The following PIK3R5 variants were observed in gnomAD, a reference collection of about 807,000 sequenced individuals.
The protein encoded by PIK3R5 is phosphoinositide 3-kinase regulatory subunit 5.
PIK3R5 carries 32 observed loss-of-function variants against 94.9 expected under a neutral mutation model. The observed-to-expected ratio is 0.34, with a 90% CI of 0.25 to 0.45. The LOEUF is 0.45. Among genes scored for constraint, PIK3R5 ranks in the 20% least tolerant of loss-of-function variants. The probability of loss-of-function intolerance (pLI) is 1.00; values close to 1 mark genes in which losing one functional copy is unlikely to be tolerated. For missense variants in PIK3R5, 853 were observed against 1,144.6 expected, an observed-to-expected ratio of 0.75 and a Z score of 3.68; for synonymous variants, 443 against 479.4, an observed-to-expected ratio of 0.92 and a Z score of 0.99.
chr17:8,886,919 T>C (rs944524946), intron 12 of PIK3R5, among the ~76,000 whole-genome samples, 177 bp downstream of exon 12: 6 of 152,152 alleles, frequency 3.9e-5, no homozygotes, highest in Non-Finnish European at 8.8e-5. Context: ...GCTCTCACAC[T>C]CAGTGTCCTG....
chr17:8,962,534 T>C (rs773875053), intron 1 of PIK3R5, among the ~76,000 whole-genome samples: 1 of 152,228 alleles, frequency 6.6e-6, no homozygotes, highest in Non-Finnish European at 1.5e-5. Flanking sequence ...GAGAACAACA[T>C]AATTCTGTGT....
intron 1 of PIK3R5, among the ~76,000 whole-genome samples, chr17:8,923,844 A>G (rs1338675321): frequency 6.6e-6 from 1 of 151,416 alleles, no homozygotes; most frequent in Non-Finnish European, 1.5e-5. Context: ...GTGGAAAAAG[A>G]TTGCAGTTGT....
chr17:8,926,019 C>A (rs2090877035), intron 1 of PIK3R5, among the ~76,000 whole-genome samples: 1 of 152,144 alleles, frequency 6.6e-6, no homozygotes. Flanking sequence ...GAGGAGAACA[C>A]CTCCAGTGTT....
Position 8,892,849 on chromosome 17 carries a change from C to T in PIK3R5, c.482+737G>A, listed in dbSNP as rs570738710. Among the ~76,000 whole-genome samples the T allele has an allele frequency of 6.6e-6, 1 of 152,264 alleles. No homozygotes were observed. Among genetic ancestry groups the T allele is most frequent in the East Asian group, 1.9e-4 (1 of 5,182 alleles). On this transcript the variant is annotated intron_variant, in intron 6 of 18. Coordinates refer to ENST00000447110, the MANE Select transcript of PIK3R5 (RefSeq NM_001142633.3). The surrounding 1 kb of genome is among the most constrained non-coding windows in gnomAD (Gnocchi z 4.3). ...CGGGGTCCCTGGGCTCCCAACATGT[C>T]AAGGTGAGACAGCACCCAACTCTTC...
rs370053064 is a variant in PIK3R5 at position 8,886,217 on chromosome 17, G to A, written c.2128+12C>T. ...CCGCCTCACCGTCTGTCTCTGCTCA[G>A]GCAGTACCCACCTGACGCCTTGATG... On this transcript the variant is annotated intron_variant, in intron 14 of 18. Transcript: ENST00000447110. 2.5e-6 allele frequency: 4 copies of A among 1,603,418 alleles called. No individual in the cohort carries two copies. Among genetic ancestry groups the A allele is most frequent in the African/African-American group, 1.3e-5 (1 of 74,918 alleles).
At chr17:8,910,060 C>G (rs561611976) in intron 2 of PIK3R5, among the ~76,000 whole-genome samples, 1 of 152,350 alleles carries the variant, frequency 6.6e-6, no homozygotes, top group East Asian at 1.9e-4. Context: ...CTTATTTTGT[C>G]AGTCTCTGTT....
chr17:8,886,617 G>T lies in PIK3R5; in HGVS notation c.1906-12C>A. The stretch of plus-strand genomic sequence containing the variant: ...GCCTTCAGGGACTGCTGTGGCCAGA[G>T]GGAAGGGGCAGCCAAGCCAGATGGG... On this transcript the variant is annotated splice_polypyrimidine_tract_variant and intron_variant, in intron 12 of 18. Transcript: ENST00000447110. The T allele has an allele frequency of 6.4e-7, 1 of 1,568,624 alleles. No individual in the cohort carries two copies. The highest frequency in any genetic ancestry group is 1.2e-5 in the South Asian group (1 of 83,568).
intron 5 of PIK3R5, among the ~76,000 whole-genome samples, chr17:8,895,563 A>T (rs1173050093): frequency 6.6e-5 from 10 of 152,074 alleles, no homozygotes; most frequent in Non-Finnish European, 1.0e-4. Context: ...ACGCTGCTTG[A>T]ACTTTTGTTT....
chr17:8,887,652 G>A lies in PIK3R5; in HGVS notation c.1648C>T (p.Arg550Trp), dbSNP rs764029501. 8 of 1,605,694 alleles carry A rather than the reference G, an allele frequency of 5.0e-6. No homozygotes were observed. Among genetic ancestry groups the A allele is most frequent in the Admixed American group, 1.7e-5 (1 of 59,034 alleles). ...RLENNRPLLT[R>W]FFKLQFFYVP... Reference sequence around the variant, plus strand: ...TAGAAGAACTGAAGTTTGAAGAACCGTGTGAGGAGTGGGCGATTGTTCTCC... The same window carrying A: ...TAGAAGAACTGAAGTTTGAAGAACCATGTGAGGAGTGGGCGATTGTTCTCC... The change falls in exon 11 of 19, where the codon CGG becomes TGG. Residue 550 changes from arginine (R) to tryptophan (W), a missense_variant. By Grantham distance (101) the Arg-to-Trp change is moderately radical (BLOSUM62 -3). Around this residue, in one of 6 missense-constraint regions of PIK3R5, gnomAD observed 319 missense variants for 339.8 expected, o/e 0.94. Coordinates refer to ENST00000447110, the MANE Select transcript of PIK3R5 (RefSeq NM_001142633.3).
At chr17:8,944,880 T>C (rs1389638848) in intron 1 of PIK3R5, among the ~76,000 whole-genome samples, 1 of 152,128 alleles carries the variant, frequency 6.6e-6, no homozygotes, top group Non-Finnish European at 1.5e-5. Context: ...CTGAGACATG[T>C]GACTGGGGAA....
rs1262660956 is a variant in PIK3R5, at chr17:8,892,604, G to A, written c.482+982C>T. ...AAAGGGCTTTGATGATTCTTCATCA[G>A]CCCACCTGCCCCAGCTCCCCCAGAG... On this transcript the variant is annotated intron_variant, in intron 6 of 18. Coordinates refer to ENST00000447110, the MANE Select transcript of PIK3R5 (RefSeq NM_001142633.3). The surrounding 1 kb of genome is among the most constrained non-coding windows in gnomAD (Gnocchi z 4.3). Among the ~76,000 whole-genome samples, 1 of 152,166 alleles carries A rather than the reference G, an allele frequency of 6.6e-6. No homozygotes were observed. Among genetic ancestry groups the A allele is most frequent in the Admixed American group, 6.5e-5 (1 of 15,276 alleles).
intron 2 of PIK3R5, among the ~76,000 whole-genome samples, chr17:8,910,272 T>C (rs1597395714): frequency 6.6e-6 from 1 of 152,350 alleles, no homozygotes; most frequent in East Asian, 1.9e-4. Context: ...TAGAGGCTTC[T>C]AACAATGTGT....
intron 1 of PIK3R5, among the ~76,000 whole-genome samples, chr17:8,941,918 A>C (rs1243891447): frequency 2.0e-5 from 3 of 152,220 alleles, no homozygotes; most frequent in African/African-American, 7.2e-5. Context: ...TACTCAGAAG[A>C]CCCTTCGGGA....
chr17:8,926,880 C>T (rs2090893411), intron 1 of PIK3R5, among the ~76,000 whole-genome samples: 1 of 151,612 alleles, frequency 6.6e-6, no homozygotes. Context: ...ATATTTTATG[C>T]CTTGTTTTTT....
At chr17:8,907,094 G>T (rs2090412544) in intron 3 of PIK3R5, among the ~76,000 whole-genome samples, 1 of 152,126 alleles carries the variant, frequency 6.6e-6, no homozygotes. Context: ...TGCAATATCG[G>T]CTCACTGCAA....
At chr17:8,918,316 A>G (rs1567654644) in intron 1 of PIK3R5, among the ~76,000 whole-genome samples, 2 of 152,378 alleles carry the variant, frequency 1.3e-5, no homozygotes, top group East Asian at 3.9e-4. Context: ...CACATCTTGT[A>G]GTGCCAGAAA....
chr17:8,959,121 C>T (rs2151482614), intron 1 of PIK3R5, among the ~76,000 whole-genome samples: 1 of 152,264 alleles, frequency 6.6e-6, no homozygotes, highest in Middle Eastern at 3.4e-3. Context: ...AGAAATCCAA[C>T]AACAGAGCAG....
At position 8,890,822 on chromosome 17, in the gene PIK3R5, A is replaced by C; in HGVS notation, c.573T>G (p.Ser191Arg). Reference sequence around the variant, plus strand: ...CGTGCAGGAGCAGGGTGGTGTAGGCACTGTGAGGCGAGTGTCCGGGCGTAC... The same window carrying C: ...CGTGCAGGAGCAGGGTGGTGTAGGCCCTGTGAGGCGAGTGTCCGGGCGTAC... ...KLSTPGHSPH[S>R]AYTTLLLHAF... Residue 191 changes from serine (S) to arginine (R), a missense_variant, in exon 7 of 19, where the codon AGT becomes AGG. By Grantham distance (110) the Ser-to-Arg change is moderately radical. Transcript: ENST00000447110. This position sits in a 1 kb window ranked among gnomAD's most constrained non-coding sequence, Gnocchi z 6.1. 1 of 1,613,434 alleles carries C rather than the reference A, an allele frequency of 6.2e-7. No individual in the cohort carries two copies. Among genetic ancestry groups the C allele is most frequent in the Non-Finnish European group, 8.5e-7 (1 of 1,179,764 alleles).
chr17:8,923,491 G>T (rs1001939483), intron 1 of PIK3R5, among the ~76,000 whole-genome samples: 14 of 152,200 alleles, frequency 9.2e-5, no homozygotes, highest in Non-Finnish European at 1.9e-4. Context: ...GCTGGTAAAT[G>T]AAGTATGCTG....
Sources: gnomAD v4.1 joint callset for allele counts (sites outside exome capture counted in the v4.1 genomes callset) on GRCh38, gnomAD v4.1.1 for gene constraint, gnomAD v4.1.1 regional missense constraint, Gnocchi (gnomAD v3.1) non-coding constraint, MANE v1.5 for transcripts, NCBI Gene and HGNC (gene_info 2026-07-23, HGNC 2026-07-21) for gene names.